PCDH9: variants seen among roughly 807,000 people sequenced by gnomAD.
PCDH9 encodes the protein protocadherin 9.
A neutral mutation model predicts 70.6 loss-of-function variants in PCDH9; 24 were observed. The observed-to-expected ratio is 0.34, with a 90% confidence interval of 0.25 to 0.48. PCDH9 has a LOEUF of 0.48. Ranked by LOEUF, PCDH9 falls within the 20% of genes least tolerant of loss-of-function variation. PCDH9 has a pLI of 0.99. For synonymous variants in PCDH9, 562 were observed against 558.5 expected (o/e 1.01, Z -0.09); for missense variants, 1,281 against 1,503.6 (o/e 0.85, Z 2.45).
At chr13:66,806,117 C>G (rs1282407249) in intron 3 of PCDH9, among the ~76,000 whole-genome samples, 1 of 152,130 alleles carries the variant, frequency 6.6e-6, no homozygotes, top group Non-Finnish European at 1.5e-5. Context: ...AATAGATCTA[C>G]ATCTCTCTGT....
Position 66,519,293 on chromosome 13 carries a change from TTTA to T in PCDH9, c.3340+111914_3340+111916del, listed in dbSNP as rs200411037. On this transcript the variant is annotated intron_variant, in intron 4 of 4. Coordinates refer to ENST00000377865, the MANE Select transcript of PCDH9 (RefSeq NM_203487.3). ...CTGGTAAGATCTATATTAGAAATTGTTTATTATTATTATAACAATCAGTACAGA... is the reference window on the plus strand; with the variant it reads ...CTGGTAAGATCTATATTAGAAATTGTTTATTATTATAACAATCAGTACAGA... Among the ~76,000 whole-genome samples, 1,066 of 152,072 alleles carry T rather than the reference TTTA, an allele frequency of 7.0e-3. 6 individuals are homozygous for T. The highest frequency in any genetic ancestry group is 0.01 in the Non-Finnish European group (696 of 67,984).
At chr13:66,975,444 G>A (rs748652987) in intron 2 of PCDH9, among the ~76,000 whole-genome samples, 14 of 151,922 alleles carry the variant, frequency 9.2e-5, no homozygotes, top group Admixed American at 5.3e-4. Context: ...AAACCATCCC[G>A]CTAGGTAGAT....
At chr13:66,429,431 T>TTG (rs1491384525) in intron 4 of PCDH9, among the ~76,000 whole-genome samples, 2 of 242 alleles carry the variant, frequency 8.3e-3, no homozygotes, top group Non-Finnish European at 0.083. Context: ...ATTTTTTCTG[T>TTG]TTTTTTTTTT....
chr13:66,746,171 G>T (rs2079359736), intron 3 of PCDH9, among the ~76,000 whole-genome samples: 1 of 152,116 alleles, frequency 6.6e-6, no homozygotes, highest in Non-Finnish European at 1.5e-5. Context: ...TGCAAACAAT[G>T]TAATGAGAAT....
At chr13:66,463,943 C>G (rs911756042) in intron 4 of PCDH9, among the ~76,000 whole-genome samples, 4 of 151,422 alleles carry the variant, frequency 2.6e-5, no homozygotes, top group African/African-American at 9.7e-5. Flanking sequence ...GAAAAAAGAA[C>G]AAAACAATTC....
chr13:66,392,740 G>A (rs1957040684), intron 4 of PCDH9, among the ~76,000 whole-genome samples: 1 of 152,024 alleles, frequency 6.6e-6, no homozygotes, highest in Admixed American at 6.6e-5. Flanking sequence ...AGGTTACACT[G>A]CATAAAAAAA....
rs190708290 is a variant in PCDH9, at chr13:66,682,077, C to T, written c.3139-50666G>A. On this transcript the variant is annotated intron_variant, in intron 3 of 4. Coordinates refer to ENST00000377865, the MANE Select transcript of PCDH9 (RefSeq NM_203487.3). The stretch of plus-strand genomic sequence containing the variant: ...GTTAGAGGACCTAAAAAATAGTTAT[C>T]TATTTATGACTCAAAGCCTGCATAC... Among the ~76,000 whole-genome samples the T allele has an allele frequency of 1.3e-4, 19 of 151,650 alleles. No homozygotes were observed. The East Asian group carries it at 3.7e-3, about 29-fold the overall frequency.
Position 66,670,937 on chromosome 13 carries a change from G to C in PCDH9, c.3139-39526C>G, listed in dbSNP as rs527359923. Among the ~76,000 whole-genome samples the C allele has an allele frequency of 5.7e-5, 8 of 140,404 alleles. No homozygotes were observed. In the South Asian group the frequency reaches 1.8e-3, roughly 32 times the overall value. The allele number at this position is 140,404 out of a possible 152,430, so 92.1% of individuals were successfully genotyped here. A position where few individuals can be genotyped will look rare whatever the true frequency, so the allele number is the denominator to read the frequency against. ...TAAAAAAAAAAAAAAAAAAAAAAAG[G>C]AAGTTGGGTGATATGGTTTGGCTTT... On this transcript the variant is annotated intron_variant, in intron 3 of 4. Transcript: ENST00000377865.
intron 2 of PCDH9, among the ~76,000 whole-genome samples, chr13:67,136,432 G>T (rs1242967046): frequency 6.6e-6 from 1 of 152,140 alleles, no homozygotes; most frequent in African/African-American, 2.4e-5. Flanking sequence ...TGCAGTGCCT[G>T]TTTCTCTTCA....
At chr13:67,013,420 T>C (rs2084492904) in intron 2 of PCDH9, among the ~76,000 whole-genome samples, 1 of 152,018 alleles carries the variant, frequency 6.6e-6, no homozygotes, top group Non-Finnish European at 1.5e-5. Context: ...AAAATCATGA[T>C]TTCATCTTCT....
At chr13:66,689,682 A>G (rs1327859494) in intron 3 of PCDH9, among the ~76,000 whole-genome samples, 1 of 152,132 alleles carries the variant, frequency 6.6e-6, no homozygotes, top group Non-Finnish European at 1.5e-5. Context: ...TGACATTGCT[A>G]AAAAATTAAC....
At chr13:67,100,529 T>C (rs775030130) in intron 2 of PCDH9, among the ~76,000 whole-genome samples, 18 of 152,202 alleles carry the variant, frequency 1.2e-4, no homozygotes, top group Non-Finnish European at 2.1e-4. Context: ...ATTGCATGTA[T>C]ATACTTAAGG....
chr13:66,637,128 C>T (rs1016606745), intron 3 of PCDH9, among the ~76,000 whole-genome samples: 7 of 152,114 alleles, frequency 4.6e-5, no homozygotes, highest in African/African-American at 1.7e-4. Flanking sequence ...TCAATACGGT[C>T]TTACCATCTT....
At chr13:66,428,032 T>C (rs542868071) in intron 4 of PCDH9, among the ~76,000 whole-genome samples, 1 of 151,756 alleles carries the variant, frequency 6.6e-6, no homozygotes, top group African/African-American at 2.4e-5. Context: ...TTTCTCTTCT[T>C]GATGAAAAAT....
chr13:67,127,733 T>C (rs1001296362), intron 2 of PCDH9, among the ~76,000 whole-genome samples: 2 of 151,518 alleles, frequency 1.3e-5, no homozygotes, highest in Non-Finnish European at 2.9e-5. Flanking sequence ...TATATATATA[T>C]TTTTTTCTTT....
chr13:67,023,864 C>T (rs552916447), intron 2 of PCDH9, among the ~76,000 whole-genome samples: 1 of 151,686 alleles, frequency 6.6e-6, no homozygotes, highest in South Asian at 2.1e-4. Flanking sequence ...AAAAGTCTAT[C>T]AGAAAGAATA....
At chr13:66,723,350 A>G (rs957586995) in intron 3 of PCDH9, among the ~76,000 whole-genome samples, 4 of 152,208 alleles carry the variant, frequency 2.6e-5, no homozygotes, top group Non-Finnish European at 4.4e-5. Context: ...ATCTTCACTT[A>G]AGAAATGTAT....
At chr13:67,164,849 C>T (rs2088066232) in intron 2 of PCDH9, among the ~76,000 whole-genome samples, 1 of 152,164 alleles carries the variant, frequency 6.6e-6, no homozygotes, top group Non-Finnish European at 1.5e-5. Flanking sequence ...TTCTGCATCC[C>T]TCCTCTTGCC....
intron 4 of PCDH9, among the ~76,000 whole-genome samples, chr13:66,583,522 G>T (rs1419276670): frequency 6.6e-6 from 1 of 151,858 alleles, no homozygotes; most frequent in Non-Finnish European, 1.5e-5. Flanking sequence ...TGAGGTAGGA[G>T]AGCCACTTGA....
Sources: allele counts gnomAD v4.1 joint callset (sites outside exome capture counted in the v4.1 genomes callset), GRCh38; gene constraint gnomAD v4.1.1; transcripts MANE v1.5; gene names NCBI Gene and HGNC (gene_info 2026-07-23, HGNC 2026-07-21).